The following SPATA13 variants were observed in gnomAD, a reference collection of about 807,000 sequenced individuals.
SPATA13 encodes the protein spermatogenesis-associated protein 13.
In SPATA13, 50 loss-of-function variants were observed where a neutral mutation model predicts 104.0. The observed-to-expected ratio is 0.48, with a 90% CI of 0.38 to 0.61. SPATA13 has a LOEUF of 0.61. Among genes scored for constraint, SPATA13 ranks in the 20% least tolerant of loss-of-function variants. SPATA13 has a pLI of 0.00. For missense variants in SPATA13, 1,524 were observed against 1,690.6 expected (o/e 0.90, Z 1.73); for synonymous variants, 606 against 667.5 (o/e 0.91, Z 1.42).
At chr13:24,189,921 T>TAATTATATAATATATTACGTAATATATTA (rs1869492033) in intron 1 of SPATA13, among the ~76,000 whole-genome samples, 1 of 13,774 alleles carries the variant, frequency 7.3e-5, no homozygotes, top group East Asian at 3.4e-3. Context: ...ATAATATATA[T>TAATTATATAATATATTACGTAATATATTA]TATATAATTA....
At chr13:24,037,060 C>T (rs1877709655) in intron 3 of SPATA13, among the ~76,000 whole-genome samples, 1 of 151,934 alleles carries the variant, frequency 6.6e-6, no homozygotes, top group South Asian at 2.1e-4. Context: ...AGGCATGAGC[C>T]ATCGTGCCTG....
At chr13:24,041,103 T>C (rs1302669644) in intron 3 of SPATA13, among the ~76,000 whole-genome samples, 1 of 152,224 alleles carries the variant, frequency 6.6e-6, no homozygotes, top group East Asian at 1.9e-4. Flanking sequence ...TATAGGAACA[T>C]TGTGGGATGG....
chr13:24,109,761 C>A (rs1345348613), intron 3 of SPATA13, among the ~76,000 whole-genome samples: 1 of 152,026 alleles, frequency 6.6e-6, no homozygotes, highest in African/African-American at 2.4e-5. Flanking sequence ...ATTCCCTTAA[C>A]CAGCACCACT....
intron 3 of SPATA13, among the ~76,000 whole-genome samples, chr13:24,047,981 C>T (rs973872266): frequency 6.6e-6 from 1 of 152,180 alleles, no homozygotes; most frequent in Non-Finnish European, 1.5e-5. Flanking sequence ...GTCTGACATC[C>T]CAGGGTAGGA....
Position 24,122,412 on chromosome 13 carries a change from T to C in SPATA13, c.-111-100407T>C. ...TGGAATAGCCTTCCAGAGCAGTCTC[T>C]TCCGCATCATCTTCTTACCAGTCTT... On this transcript the variant is annotated intron_variant, in intron 3 of 14. Transcript: ENST00000424834. 1.9e-6 allele frequency: 3 copies of C among 1,590,364 alleles called. No individual in the cohort carries two copies. In the Admixed American group the frequency reaches 5.0e-5, roughly 27 times the overall value.
chr13:24,234,603 A>G (rs1236750211), intron 2 of SPATA13, among the ~76,000 whole-genome samples: 1 of 152,224 alleles, frequency 6.6e-6, no homozygotes, highest in Non-Finnish European at 1.5e-5. Flanking sequence ...CATTGCCAGA[A>G]GTCACTATAT....
At position 24,223,226 on chromosome 13, in the gene SPATA13, C is replaced by T. The variant is rs1031145583; in HGVS notation, c.297C>T (p.Ser99=). 26 of 1,551,602 alleles carry T rather than the reference C, an allele frequency of 1.7e-5. No homozygotes were observed. The highest frequency in any genetic ancestry group is 2.0e-5 in the Non-Finnish European group (23 of 1,147,012). Residue 99 remains serine (S), a synonymous_variant, in exon 2 of 13, where the codon TCC becomes TCT. Transcript: ENST00000382108. Reference sequence around the variant, plus strand: ...ACTCCATGGTCCTGGTGGGGAACTCCTCCACATGGAACACCCTCGCCTCCT... The same window carrying T: ...ACTCCATGGTCCTGGTGGGGAACTCTTCCACATGGAACACCCTCGCCTCCT... ...RPHSMVLVGN[S]STWNTLASFR...
intron 2 of SPATA13, among the ~76,000 whole-genome samples, chr13:23,998,681 T>A (rs888653308): frequency 6.6e-6 from 1 of 152,226 alleles, no homozygotes; most frequent in Non-Finnish European, 1.5e-5. Flanking sequence ...TTCTATGTGT[T>A]CTTACAGAAG....
At chr13:24,038,688 T>G (rs1023822746) in intron 3 of SPATA13, among the ~76,000 whole-genome samples, 1 of 152,122 alleles carries the variant, frequency 6.6e-6, no homozygotes, top group African/African-American at 2.4e-5. Flanking sequence ...AGTTGGCCCC[T>G]CGCATCCAAA....
chr13:24,022,033 TTCTTTTC>T (rs1377074543), intron 3 of SPATA13, among the ~76,000 whole-genome samples: 2 of 150,272 alleles, frequency 1.3e-5, no homozygotes, highest in Non-Finnish European at 3.0e-5. Flanking sequence ...ATCTTAATGT[TTCTTTTC>T]TCTTTTCTTT....
intron 3 of SPATA13, among the ~76,000 whole-genome samples, chr13:24,037,700 G>C (rs1877754253): frequency 6.6e-6 from 1 of 151,984 alleles, no homozygotes; most frequent in African/African-American, 2.4e-5. Context: ...GAGCCACCGT[G>C]CCCAGCCGGC....
chr13:24,049,340 A>G (rs1344740202), intron 3 of SPATA13, among the ~76,000 whole-genome samples: 1 of 152,202 alleles, frequency 6.6e-6, no homozygotes, highest in Non-Finnish European at 1.5e-5. Context: ...CCATTGTGTT[A>G]CAGCTGCCTA....
intron 2 of SPATA13, among the ~76,000 whole-genome samples, chr13:24,229,783 T>C (rs1207738847): frequency 6.6e-6 from 1 of 152,198 alleles, no homozygotes; most frequent in African/African-American, 2.4e-5. Flanking sequence ...ACCAAATTTG[T>C]TGAACACATG....
intron 4 of SPATA13, among the ~76,000 whole-genome samples, chr13:24,262,500 A>G (rs773591035): frequency 6.6e-6 from 1 of 152,214 alleles, no homozygotes; most frequent in African/African-American, 2.4e-5. Context: ...GGTTACTCAT[A>G]CAGTTATTCT....
chr13:24,027,473 T>C (rs1877282122), intron 3 of SPATA13, among the ~76,000 whole-genome samples: 1 of 152,196 alleles, frequency 6.6e-6, no homozygotes, highest in Non-Finnish European at 1.5e-5. Flanking sequence ...GGTTTAGTGA[T>C]TTTATTAATA....
At chr13:24,112,682 G>A (rs1365239364) in intron 3 of SPATA13, among the ~76,000 whole-genome samples, 4 of 152,276 alleles carry the variant, frequency 2.6e-5, no homozygotes, top group South Asian at 2.1e-4. Flanking sequence ...GTAACAGGAG[G>A]TGCTGATGTC....
chr13:24,055,535 A>G (rs568729669), intron 3 of SPATA13, among the ~76,000 whole-genome samples: 4 of 152,234 alleles, frequency 2.6e-5, no homozygotes, highest in African/African-American at 7.2e-5. Flanking sequence ...GTAACCATGC[A>G]TTCACTGAGA....
upstream of SPATA13, among the ~76,000 whole-genome samples, chr13:24,159,999 T>A (rs1390100701): frequency 2.0e-5 from 3 of 152,208 alleles, no homozygotes; most frequent in Non-Finnish European, 4.4e-5. Context: ...CAATTAATGA[T>A]TAGGCCTTGA....
intron 1 of SPATA13, among the ~76,000 whole-genome samples, chr13:24,212,897 A>G (rs1871103725): frequency 6.6e-6 from 1 of 152,254 alleles, no homozygotes; most frequent in South Asian, 2.1e-4. Flanking sequence ...ACAACAGTCA[A>G]ACAAAACCAG....
Sources: allele counts gnomAD v4.1 joint callset (sites outside exome capture counted in the v4.1 genomes callset), GRCh38; gene constraint gnomAD v4.1.1; transcripts MANE v1.5; gene names NCBI Gene and HGNC (gene_info 2026-07-23, HGNC 2026-07-21).